The following LRRC4C variants were observed in gnomAD, a reference collection of about 807,000 sequenced individuals.
LRRC4C encodes the protein leucine rich repeat containing 4C.
LRRC4C carries 5 observed loss-of-function variants against 33.6 expected under a neutral mutation model. That is an observed-to-expected ratio of 0.15 (90% CI 0.08 to 0.31). LRRC4C has a LOEUF of 0.31. Among genes scored for constraint, LRRC4C ranks in the 10% least tolerant of loss-of-function variants. The probability of loss-of-function intolerance (pLI) is 1.00; values close to 1 mark genes in which losing one functional copy is unlikely to be tolerated. For missense variants in LRRC4C, 560 were observed against 796.7 expected (o/e 0.70, Z 3.58); for synonymous variants, 329 against 302.0 (o/e 1.09, Z -0.93).
intron 6 of LRRC4C, among the ~76,000 whole-genome samples, chr11:40,117,937 T>G (rs564572057): frequency 4.4e-4 from 66 of 151,298 alleles, no homozygotes; most frequent in Non-Finnish European, 2.7e-4. Context: ...TCCCACATTG[T>G]CAGAACTCAA....
At chr11:40,869,121 A>T (rs1483504849) in intron 2 of LRRC4C, among the ~76,000 whole-genome samples, 1 of 152,180 alleles carries the variant, frequency 6.6e-6, no homozygotes, top group Non-Finnish European at 1.5e-5. Flanking sequence ...GAAGTTAAAA[A>T]ACAATGCCTC....
chr11:40,620,567 T>C (rs1962354983), intron 3 of LRRC4C, among the ~76,000 whole-genome samples: 1 of 151,870 alleles, frequency 6.6e-6, no homozygotes, highest in Non-Finnish European at 1.5e-5. Context: ...TGACCTTTAT[T>C]GTGGAACATG....
intron 1 of LRRC4C, among the ~76,000 whole-genome samples, chr11:40,954,426 G>A (rs913215726): frequency 2.0e-5 from 3 of 151,776 alleles, no homozygotes; most frequent in Non-Finnish European, 4.4e-5. Context: ...CAGCCTTGAG[G>A]CATTTGCATG....
At chr11:40,924,541 A>C (rs538027079) in intron 2 of LRRC4C, among the ~76,000 whole-genome samples, 2 of 152,312 alleles carry the variant, frequency 1.3e-5, no homozygotes, top group South Asian at 4.1e-4. Context: ...TGGTATTAAT[A>C]TGCAGTTAGA....
chr11:40,951,403 G>A (rs138120704), intron 1 of LRRC4C, among the ~76,000 whole-genome samples: 1 of 149,890 alleles, frequency 6.7e-6, no homozygotes, highest in East Asian at 2.0e-4. Context: ...GGCAAGTTGG[G>A]GGAAATAGGA....
chr11:40,912,457 C>G (rs1270311995), intron 2 of LRRC4C, among the ~76,000 whole-genome samples: 11 of 151,862 alleles, frequency 7.2e-5, no homozygotes, highest in South Asian at 2.1e-4. Flanking sequence ...AGCTTCATAA[C>G]TGAAGGAGAA....
intron 1 of LRRC4C, among the ~76,000 whole-genome samples, chr11:41,411,127 C>CTTGG (rs1954459653): frequency 9.4e-6 from 1 of 105,878 alleles, no homozygotes; most frequent in Admixed American, 9.6e-5. Context: ...ATGAGAAACA[C>CTTGG]TTGGTTGGTA....
At chr11:40,914,545 T>A (rs946919156) in intron 2 of LRRC4C, among the ~76,000 whole-genome samples, 1 of 152,124 alleles carries the variant, frequency 6.6e-6, no homozygotes, top group Non-Finnish European at 1.5e-5. Flanking sequence ...ATGGGACATA[T>A]CTCAAAATAA....
intron 1 of LRRC4C, among the ~76,000 whole-genome samples, chr11:41,397,010 G>A (rs1367622195): frequency 6.6e-6 from 1 of 151,964 alleles, no homozygotes; most frequent in Non-Finnish European, 1.5e-5. Context: ...CTATGAAGAT[G>A]TAAATACGAT....
chr11:40,498,143 C>A (rs971689359), intron 3 of LRRC4C, among the ~76,000 whole-genome samples: 5 of 152,130 alleles, frequency 3.3e-5, no homozygotes, highest in Non-Finnish European at 7.4e-5. Flanking sequence ...AAAGTCAAGG[C>A]AAATTTAGCT....
chr11:40,335,903 G>A (rs1328656667), intron 3 of LRRC4C, among the ~76,000 whole-genome samples: 1 of 152,148 alleles, frequency 6.6e-6, no homozygotes, highest in Non-Finnish European at 1.5e-5. Flanking sequence ...CTTCAGGAAT[G>A]TTTCTCATCT....
intron 3 of LRRC4C, among the ~76,000 whole-genome samples, chr11:40,434,356 G>A (rs577927102): frequency 6.6e-5 from 10 of 152,260 alleles, no homozygotes; most frequent in African/African-American, 1.4e-4. Flanking sequence ...ACGGGAGGGC[G>A]AGCTGTATTC....
At chr11:41,265,877 T>TA (rs199583142) in intron 1 of LRRC4C, among the ~76,000 whole-genome samples, 7,256 of 28,450 alleles carry the variant, frequency 0.26, 209 homozygotes, top group South Asian at 0.37. Flanking sequence ...TTTTCTTTTT[T>TA]TAAAAAAAAA....
intron 2 of LRRC4C, among the ~76,000 whole-genome samples, chr11:40,851,545 C>T (rs1240629369): frequency 6.6e-6 from 1 of 152,162 alleles, no homozygotes; most frequent in Non-Finnish European, 1.5e-5. Flanking sequence ...CTCTGTTGGT[C>T]TTGCTGGAAG....
At chr11:41,088,527 G>A (rs1940172545) in intron 1 of LRRC4C, among the ~76,000 whole-genome samples, 1 of 151,986 alleles carries the variant, frequency 6.6e-6, no homozygotes. Flanking sequence ...GTCACCAGGT[G>A]GCTTCCTTGA....
chr11:41,432,350 A>G (rs1158319226), intron 1 of LRRC4C, among the ~76,000 whole-genome samples: 1 of 152,160 alleles, frequency 6.6e-6, no homozygotes, highest in Non-Finnish European at 1.5e-5. Flanking sequence ...TGTATCAGTC[A>G]TTACCACTTG....
At chr11:41,428,004 C>A (rs999867072) in intron 1 of LRRC4C, among the ~76,000 whole-genome samples, 1 of 152,146 alleles carries the variant, frequency 6.6e-6, no homozygotes, top group African/African-American at 2.4e-5. Flanking sequence ...AACAACCCCA[C>A]CCCTATCTCC....
chr11:40,403,777 T>C (rs991369958), intron 3 of LRRC4C, among the ~76,000 whole-genome samples: 17 of 151,974 alleles, frequency 1.1e-4, no homozygotes, highest in Non-Finnish European at 2.2e-4. Context: ...AAAAAGAACA[T>C]TGGAGTTGAC....
chr11:41,218,164 C>A (rs1947144525), intron 1 of LRRC4C, among the ~76,000 whole-genome samples: 1 of 151,966 alleles, frequency 6.6e-6, no homozygotes, highest in Non-Finnish European at 1.5e-5. Context: ...ACTTTAGTCA[C>A]CTTTGTTACT....
Sources: allele counts gnomAD v4.1 joint callset (sites outside exome capture counted in the v4.1 genomes callset), GRCh38; gene constraint gnomAD v4.1.1; transcripts MANE v1.5; gene names NCBI Gene and HGNC (gene_info 2026-07-23, HGNC 2026-07-21).